Variants in TNFRSF21 observed in about 807,000 individuals in gnomAD.
TNFRSF21 encodes tumor necrosis factor receptor superfamily member 21.
Under a neutral mutation model 45.6 loss-of-function variants are expected in TNFRSF21, and 19 were observed. The observed-to-expected ratio is 0.42, with a 90% CI of 0.29 to 0.61. The LOEUF (loss-of-function observed/expected upper bound fraction) is 0.61, where lower values mean the gene tolerates loss of function less well. TNFRSF21 is among the 20% of genes least tolerant of loss of function. TNFRSF21 has a pLI of 0.23. For missense variants in TNFRSF21, 737 were observed against 851.5 expected (o/e 0.87, Z 1.67); for synonymous variants, 314 against 335.5 (o/e 0.94, Z 0.70).
intron 1 of TNFRSF21, among the ~76,000 whole-genome samples, chr6:47,296,851 G>A (rs368111068): frequency 6.6e-6 from 1 of 152,200 alleles, no homozygotes; most frequent in African/African-American, 2.4e-5. Flanking sequence ...GGGGCTGGGT[G>A]TGGTGGTACA....
chr6:47,247,264 A>C (rs1319788898), intron 4 of TNFRSF21, among the ~76,000 whole-genome samples: 1 of 152,048 alleles, frequency 6.6e-6, no homozygotes, highest in Non-Finnish European at 1.5e-5. Context: ...TCTTCTCCTC[A>C]CCACCCCAGA....
At chr6:47,238,329 G>A (rs555143907) in intron 4 of TNFRSF21, among the ~76,000 whole-genome samples, 17 of 152,348 alleles carry the variant, frequency 1.1e-4, no homozygotes, top group Admixed American at 5.9e-4. Context: ...TTAAGAAAAC[G>A]TGGCCTGTAA....
Position 47,253,340 on chromosome 6 carries a change from G to C in TNFRSF21, c.1425C>G (p.Leu475=). The change falls in exon 4 of 6, where the codon CTC becomes CTG. Residue 475 remains leucine, a synonymous_variant. Coordinates refer to ENST00000296861, the MANE Select transcript of TNFRSF21 (RefSeq NM_014452.5). ...HWTIRGPEAS[L]AQLISALRQH... is the part of the protein sequence containing the mutation. ...GGCGCAGGGCGCTAATTAGCTGGGC[G>C]AGGCTGGCCTCGGGGCCCCGGATGG... 6.2e-7 allele frequency: 1 copy of C among 1,614,040 alleles called. No homozygotes were observed.
At chr6:47,300,695 G>C (rs1204302360) in intron 1 of TNFRSF21, among the ~76,000 whole-genome samples, 1 of 152,042 alleles carries the variant, frequency 6.6e-6, no homozygotes, top group Non-Finnish European at 1.5e-5. Context: ...TGAACATGTA[G>C]GCTGTTTCCT....
intron 1 of TNFRSF21, among the ~76,000 whole-genome samples, chr6:47,301,927 T>C (rs1043834091): frequency 2.0e-5 from 3 of 152,156 alleles, no homozygotes; most frequent in Non-Finnish European, 4.4e-5. Context: ...CCTGTTACCA[T>C]TTGCCTTGGA....
At chr6:47,307,365 A>C (rs1762954830) in intron 1 of TNFRSF21, among the ~76,000 whole-genome samples, 1 of 152,098 alleles carries the variant, frequency 6.6e-6, no homozygotes, top group African/African-American at 2.4e-5. Context: ...GGGTAGGTTG[A>C]GTTTGATGAC....
At chr6:47,304,654 T>C (rs1762914007) in intron 1 of TNFRSF21, among the ~76,000 whole-genome samples, 1 of 152,256 alleles carries the variant, frequency 6.6e-6, no homozygotes, top group South Asian at 2.1e-4. Context: ...TTAGCCACAC[T>C]AAAATATGTC....
chr6:47,276,236 A>G (rs1762496463), intron 3 of TNFRSF21, among the ~76,000 whole-genome samples: 2 of 152,198 alleles, frequency 1.3e-5, no homozygotes, highest in Admixed American at 6.5e-5. Context: ...GGACCCATAC[A>G]TAAGATGGAG....
At chr6:47,265,740 C>T (rs1438194851) in intron 3 of TNFRSF21, among the ~76,000 whole-genome samples, 8 of 152,166 alleles carry the variant, frequency 5.3e-5, no homozygotes, top group Admixed American at 3.3e-4. Flanking sequence ...AGAAGCCTTT[C>T]CTATAAAGGT....
chr6:47,232,431 A>G lies in TNFRSF21; in HGVS notation c.*334T>C, dbSNP rs1305383831. 1 of 241,492 alleles carries G rather than the reference A, an allele frequency of 4.1e-6. No individual in the cohort carries two copies. Among genetic ancestry groups the G allele is most frequent in the African/African-American group, 2.3e-5 (1 of 43,602 alleles). The allele number at this position is 241,492 out of a possible 1,614,324, so 15.0% of individuals were successfully genotyped here. On this transcript the variant is annotated 3_prime_UTR_variant, in exon 6 of 6. Coordinates refer to ENST00000296861, the MANE Select transcript of TNFRSF21 (RefSeq NM_014452.5). ...GGTAAGTTAAGTAAATTTAAAGTGC[A>G]CAGAATAATCTTGAAAATACATAAG...
At chr6:47,267,871 A>G (rs1441955446) in intron 3 of TNFRSF21, among the ~76,000 whole-genome samples, 1 of 152,156 alleles carries the variant, frequency 6.6e-6, no homozygotes, top group African/African-American at 2.4e-5. Flanking sequence ...TATCAACCCC[A>G]TCTTTCTGAA....
chr6:47,286,358 G>T lies in TNFRSF21; in HGVS notation c.334C>A (p.Pro112Thr). 5 of 1,614,212 alleles carry T rather than the reference G, an allele frequency of 3.1e-6. No individual in the cohort carries two copies. The highest frequency in any genetic ancestry group is 3.4e-6 in the Non-Finnish European group (4 of 1,180,034). Reference sequence around the variant, plus strand: ...TTCTCAATCATTGGCCATGGGCATGGCTGACTACAGTCATGGCATTTCTCT... The same window carrying T: ...TTCTCAATCATTGGCCATGGGCATGTCTGACTACAGTCATGGCATTTCTCT... ...GIEKCHDCSQPCPWPMIEKLP... is the reference protein window; with the variant it reads ...GIEKCHDCSQTCPWPMIEKLP... Residue 112 changes from proline to threonine, a missense_variant, in exon 2 of 6, where the codon CCA (proline) becomes ACA (threonine). Physicochemically the swap from Pro to Thr is conservative, Grantham distance 38 (BLOSUM62 -1). Coordinates refer to ENST00000296861, the MANE Select transcript of TNFRSF21 (RefSeq NM_014452.5).
chr6:47,255,738 C>T (rs1358185085), intron 3 of TNFRSF21, among the ~76,000 whole-genome samples: 1 of 152,182 alleles, frequency 6.6e-6, no homozygotes, highest in African/African-American at 2.4e-5. Flanking sequence ...GCTGGGATTA[C>T]AGGCGTGAGC....
At chr6:47,309,308 C>A in intron 1 of TNFRSF21, 108 bp downstream of exon 1, 1 of 1,412,362 alleles carries the variant, frequency 7.1e-7, no homozygotes, top group Non-Finnish European at 9.2e-7. Flanking sequence ...CCCAGTCGGC[C>A]GGGCCCCGCG....
At position 47,276,104 on chromosome 6, in the gene TNFRSF21, C is replaced by T. The variant is rs565066687; in HGVS notation, c.1243+7834G>A. ...AAGTGCCTTGCCTGAGATCATCCAG[C>T]CTTTTAGTAGCTGAATGGATTTGAA... On this transcript the variant is annotated intron_variant, in intron 3 of 5. Transcript: ENST00000296861. 3.3e-5 allele frequency among the ~76,000 whole-genome samples: 5 copies of T among 152,286 alleles called. No individual in the cohort carries two copies. The East Asian group carries it at 9.6e-4, about 29-fold the overall frequency.
intron 4 of TNFRSF21, among the ~76,000 whole-genome samples, chr6:47,247,689 T>TA (rs1362167437): frequency 9.2e-5 from 14 of 152,170 alleles, no homozygotes; most frequent in Non-Finnish European, 1.8e-4. Context: ...AGTACTTCTC[T>TA]AGCTGTTGGG....
chr6:47,276,044 T>G (rs1251006221), intron 3 of TNFRSF21, among the ~76,000 whole-genome samples: 2 of 152,180 alleles, frequency 1.3e-5, no homozygotes, highest in Admixed American at 6.5e-5. Flanking sequence ...TCAAGTCTCC[T>G]GATTTTACAA....
Position 47,284,041 on chromosome 6 carries a change from C to A in TNFRSF21, c.1140G>T (p.Gly380=), listed in dbSNP as rs777268187. 1.2e-6 allele frequency: 2 copies of A among 1,614,190 alleles called. No individual in the cohort carries two copies. Among genetic ancestry groups the A allele is most frequent in the South Asian group, 2.2e-5 (2 of 91,080 alleles). ...IRKSSRTLKK[G]PRQDPSAIVE... ...CAATGGCACTGGGATCCTGCCGGGG[C>A]CCCTTTTTCAGAGTCCTCGAGCTTT... Residue 380 remains glycine, a synonymous_variant, in exon 3 of 6, where the codon GGG becomes GGT. Transcript: ENST00000296861.
chr6:47,294,131 C>T (rs1762764991), intron 1 of TNFRSF21, among the ~76,000 whole-genome samples: 2 of 152,078 alleles, frequency 1.3e-5, no homozygotes, highest in East Asian at 3.9e-4. Flanking sequence ...AAGATGAGTG[C>T]ACAGGTTTTT....
Sources: allele counts gnomAD v4.1 joint callset (sites outside exome capture counted in the v4.1 genomes callset), GRCh38; gene constraint gnomAD v4.1.1; transcripts MANE v1.5; gene names NCBI Gene and HGNC (gene_info 2026-07-23, HGNC 2026-07-21).